MMD: variants seen among roughly 807,000 people sequenced by gnomAD.
MMD encodes monocyte to macrophage differentiation factor.
Under a neutral mutation model 33.6 loss-of-function variants are expected in MMD, and 22 were observed. That is an observed-to-expected ratio of 0.66 (90% CI 0.47 to 0.94). MMD has a LOEUF of 0.94. MMD is among the 40% of genes least tolerant of loss of function. MMD has a pLI of 0.00. For synonymous variants in MMD, 97 were observed against 103.2 expected, an observed-to-expected ratio of 0.94 and a Z score of 0.36; for missense variants, 242 against 309.8, an observed-to-expected ratio of 0.78 and a Z score of 1.64.
intron 1 of MMD, among the ~76,000 whole-genome samples, chr17:55,418,253 T>A (rs542184230): frequency 6.6e-6 from 1 of 152,362 alleles, no homozygotes; most frequent in Non-Finnish European, 1.5e-5. Flanking sequence ...TTATTTTTTA[T>A]TTCATCTTTT....
At chr17:55,403,082 TG>T (rs780174895) in intron 5 of MMD, among the ~76,000 whole-genome samples, 92 of 152,344 alleles carry the variant, frequency 6.0e-4, no homozygotes, top group South Asian at 2.1e-4. Context: ...AATCAGAACT[TG>T]GATGTTTGGG....
At chr17:55,400,594 T>C (rs1907291711) in intron 6 of MMD, among the ~76,000 whole-genome samples, 1 of 150,116 alleles carries the variant, frequency 6.7e-6, no homozygotes, top group Non-Finnish European at 1.5e-5. Flanking sequence ...GCCTATGAGA[T>C]TAGGAGTGAA....
intron 6 of MMD, among the ~76,000 whole-genome samples, chr17:55,396,169 T>C (rs925579325): frequency 3.9e-5 from 6 of 152,184 alleles, no homozygotes; most frequent in Non-Finnish European, 8.8e-5. Context: ...ACCTAGAACA[T>C]AGTTAATTCT....
chr17:55,407,256 G>A (rs1044759074), intron 4 of MMD, among the ~76,000 whole-genome samples: 3 of 151,772 alleles, frequency 2.0e-5, no homozygotes, highest in African/African-American at 7.3e-5. Context: ...TTAAACTCGG[G>A]AGGCAGAGGT....
At chr17:55,418,087 A>T (rs1011002468) in intron 1 of MMD, among the ~76,000 whole-genome samples, 1 of 152,244 alleles carries the variant, frequency 6.6e-6, no homozygotes, top group African/African-American at 2.4e-5. Context: ...GATATTCTCC[A>T]GAATGCTCAG....
chr17:55,414,400 T>C (rs956237440), intron 1 of MMD, among the ~76,000 whole-genome samples, 168 bp from the exon 2 acceptor site: 1 of 152,114 alleles, frequency 6.6e-6, no homozygotes, highest in African/African-American at 2.4e-5. Context: ...ACTGAGCCAA[T>C]AGCAATGATC....
rs564541072 is a variant in MMD at position 55,395,157 on chromosome 17, C to T, written c.517-623G>A. On this transcript the variant is annotated intron_variant, in intron 6 of 6. Transcript: ENST00000262065. ...CAGGCCTTTTTGTATTCGAGCCTGGCCATTGCTTAGCTTAGCAATAAGTTA... is the reference window on the plus strand; with the variant it reads ...CAGGCCTTTTTGTATTCGAGCCTGGTCATTGCTTAGCTTAGCAATAAGTTA... 1.4e-4 allele frequency among the ~76,000 whole-genome samples: 21 copies of T among 152,312 alleles called. 1 individual carries two copies. Among genetic ancestry groups the T allele is most frequent in the African/African-American group, 5.1e-4 (21 of 41,574 alleles).
Position 55,414,080 on chromosome 17 carries a change from A to G in MMD, c.108+71T>C. The G allele has an allele frequency of 5.0e-6, 7 of 1,397,980 alleles. No homozygotes were observed. The South Asian group carries it at 8.1e-5, about 16-fold the overall frequency. The allele number at this position is 1,397,980 out of a possible 1,614,324, so 86.6% of individuals were successfully genotyped here. ...TCCAACTAATTGTGCTGAGGTTACT[A>G]GAGATAACTACCCCTTCCTCCCACC... On this transcript the variant is annotated intron_variant, in intron 2 of 6. Transcript: ENST00000262065.
chr17:55,407,704 C>A (rs1414824634), intron 4 of MMD, 42 bp downstream of exon 4: 2 of 1,556,294 alleles, frequency 1.3e-6, no homozygotes, highest in Admixed American at 1.8e-5. Context: ...GAATTCTAAT[C>A]ATAAAATCAC....
rs1018782740 is a variant in MMD, at chr17:55,401,620, C to G, written c.447-82G>C. ...TTTACATACCAGCCTTTCCTTTTTA[C>G]TTTTGAGAAAGAAATGTAAACTCTT... On this transcript the variant is annotated intron_variant, in intron 5 of 6. Coordinates refer to ENST00000262065, the MANE Select transcript of MMD (RefSeq NM_012329.3). 5.9e-6 allele frequency: 7 copies of G among 1,191,886 alleles called. No individual in the cohort carries two copies. The African/African-American group carries it at 1.1e-4, about 19-fold the overall frequency. 73.8% of individuals were successfully genotyped at this position (1,191,886 alleles called of 1,614,324 possible).
At chr17:55,396,960 A>G (rs1907125152) in intron 6 of MMD, among the ~76,000 whole-genome samples, 1 of 152,128 alleles carries the variant, frequency 6.6e-6, no homozygotes, top group Non-Finnish European at 1.5e-5. Context: ...TTAGCTCATC[A>G]CAATGTACCT....
At chr17:55,418,767 T>C (rs1374158584) in intron 1 of MMD, among the ~76,000 whole-genome samples, 1 of 152,152 alleles carries the variant, frequency 6.6e-6, no homozygotes, top group Admixed American at 6.5e-5. Flanking sequence ...AAAAAGACAA[T>C]AGGTAGCCCT....
At chr17:55,414,302 G>T in intron 1 of MMD, 70 bp from the exon 2 acceptor site, 1 of 1,385,896 alleles carries the variant, frequency 7.2e-7, no homozygotes, top group Non-Finnish European at 1.0e-6. Context: ...AAACCCACCA[G>T]TGGGTATGTG....
intron 1 of MMD, 109 bp downstream of exon 1, chr17:55,421,561 T>C: frequency 1.4e-6 from 2 of 1,466,034 alleles, no homozygotes; most frequent in Non-Finnish European, 1.9e-6. Flanking sequence ...AGGTGCGGGA[T>C]CCACCCAGGA....
intron 6 of MMD, among the ~76,000 whole-genome samples, chr17:55,398,089 A>C (rs1907181313): frequency 6.8e-6 from 1 of 146,096 alleles, no homozygotes; most frequent in South Asian, 2.2e-4. Context: ...CAAATTTGGA[A>C]AAGTTGTAAC....
Position 55,394,355 on chromosome 17 carries a change from C to T in MMD, c.696G>A (p.Thr232=), listed in dbSNP as rs564700022. ...AIWKYLYRSP[T]DFMRHL ...TTGGTCATAAATGCCGCATAAAGTCCGTAGGACTTCGGTAAAGGTATTTCC... is the reference window on the plus strand; with the variant it reads ...TTGGTCATAAATGCCGCATAAAGTCTGTAGGACTTCGGTAAAGGTATTTCC... Residue 232 remains threonine, a synonymous_variant, in exon 7 of 7, where the codon ACG becomes ACA. Transcript: ENST00000262065. The T allele has an allele frequency of 6.8e-5, 95 of 1,401,408 alleles. No individual in the cohort carries two copies. The highest frequency in any genetic ancestry group is 1.0e-4 in the African/African-American group (7 of 67,266). The allele number at this position is 1,401,408 out of a possible 1,614,324, so 86.8% of individuals were successfully genotyped here. A position where few individuals can be genotyped will look rare whatever the true frequency, so the allele number is the denominator to read the frequency against.
At chr17:55,410,828 T>TCCA in intron 3 of MMD, among the ~76,000 whole-genome samples, 1 of 152,330 alleles carries the variant, frequency 6.6e-6, no homozygotes, top group South Asian at 2.1e-4. Flanking sequence ...ATACTGAGGC[T>TCCA]CCACAAGGTC....
At chr17:55,400,348 G>A (rs1023143084) in intron 6 of MMD, among the ~76,000 whole-genome samples, 2 of 152,040 alleles carry the variant, frequency 1.3e-5, no homozygotes, top group African/African-American at 4.8e-5. Context: ...AGGAGTTCAA[G>A]AACAGACTAG....
At chr17:55,420,286 T>C (rs972301587) in intron 1 of MMD, 5 of 152,194 alleles carry the variant, frequency 3.3e-5, no homozygotes, top group Admixed American at 3.3e-4. Flanking sequence ...CATGTTACAT[T>C]CTCTCTAAAA....
Sources: gnomAD v4.1 joint callset for allele counts (sites outside exome capture counted in the v4.1 genomes callset) on GRCh38, gnomAD v4.1.1 for gene constraint, MANE v1.5 for transcripts, NCBI Gene and HGNC (gene_info 2026-07-23, HGNC 2026-07-21) for gene names.